ASCC1: variants seen among roughly 807,000 people sequenced by gnomAD.
ASCC1 encodes the protein ASC-1 complex subunit P50.
In ASCC1, 35 loss-of-function variants were observed where a neutral mutation model predicts 46.6. The ratio of observed to expected loss-of-function variants is 0.75; its 90% CI spans 0.57 to 0.99. The LOEUF (loss-of-function observed/expected upper bound fraction) is 0.99, where lower values mean the gene tolerates loss of function less well. Ranked by LOEUF, ASCC1 falls within the 50% of genes least tolerant of loss-of-function variation. The probability of loss-of-function intolerance (pLI) is 0.00; values close to 1 mark genes in which losing one functional copy is unlikely to be tolerated. For missense variants in ASCC1, 376 were observed against 428.7 expected, an observed-to-expected ratio of 0.88 and a Z score of 1.09; for synonymous variants, 143 against 146.6, an observed-to-expected ratio of 0.98 and a Z score of 0.18.
At chr10:72,132,509 G>A (rs1284756090) in intron 8 of ASCC1, among the ~76,000 whole-genome samples, 1 of 152,074 alleles carries the variant, frequency 6.6e-6, no homozygotes, top group Non-Finnish European at 1.5e-5. Context: ...GACATTTTGG[G>A]AAGAATAATT....
intron 5 of ASCC1, among the ~76,000 whole-genome samples, chr10:72,184,469 T>C (rs1282394433): frequency 2.0e-5 from 3 of 152,056 alleles, no homozygotes; most frequent in South Asian, 2.1e-4. Flanking sequence ...AGGATAGAAA[T>C]AGATATATAG....
In ASCC1 at chr10:72,203,301, AG is replaced by A. The variant is rs1158768206; in HGVS notation, c.310+125del. ...AACTCCGTCTCAAAAAAAAAAAAAA[AG>A]AAAAGAAAAAGCCCATAGCTAGAAC... On this transcript the variant is annotated intron_variant, in intron 4 of 9. Transcript: ENST00000672957. 201 of 782,118 alleles carry A rather than the reference AG, an allele frequency of 2.6e-4. 1 individual carries two copies. The highest frequency in any genetic ancestry group is 2.2e-3 in the African/African-American group (123 of 56,716). 48.4% of individuals were successfully genotyped at this position (782,118 alleles called of 1,614,324 possible).
rs976583397 is a variant in ASCC1, at chr10:72,203,319, A to G, written c.310+108T>C. On this transcript the variant is annotated intron_variant, in intron 4 of 9. Coordinates refer to ENST00000672957, the MANE Select transcript of ASCC1 (RefSeq NM_001198800.3). ...AAAAAAAAGAAAAGAAAAAGCCCATAGCTAGAACCCCACAGAAAACATAGT... is the reference window on the plus strand; with the variant it reads ...AAAAAAAAGAAAAGAAAAAGCCCATGGCTAGAACCCCACAGAAAACATAGT... 3.5e-6 allele frequency: 3 copies of G among 869,186 alleles called. No individual in the cohort carries two copies. In the African/African-American group the frequency reaches 5.1e-5, roughly 15 times the overall value. 53.8% of individuals were successfully genotyped at this position (869,186 alleles called of 1,614,324 possible).
intron 6 of ASCC1, among the ~76,000 whole-genome samples, chr10:72,155,441 C>A (rs1037131867): frequency 1.3e-4 from 20 of 152,106 alleles, no homozygotes; most frequent in Non-Finnish European, 5.9e-5. Context: ...GAGGGACCCT[C>A]ATGGGGTGAT....
intron 3 of ASCC1, among the ~76,000 whole-genome samples, chr10:72,209,402 AC>A (rs1315561175): frequency 6.6e-6 from 1 of 152,030 alleles, no homozygotes; most frequent in East Asian, 1.9e-4. Flanking sequence ...GGATCACTTT[AC>A]CCCGGGCAGT....
At chr10:72,204,489 T>G in intron 3 of ASCC1, 1 of 1,550,414 alleles carries the variant, frequency 6.4e-7, no homozygotes, top group South Asian at 1.2e-5. Flanking sequence ...TCGTTTGATG[T>G]GTTCAAGTGA....
chr10:72,116,751 T>G (rs1274936909), intron 9 of ASCC1, among the ~76,000 whole-genome samples: 1 of 152,186 alleles, frequency 6.6e-6, no homozygotes, highest in African/African-American at 2.4e-5. Flanking sequence ...TTTTCAGAAC[T>G]GTTATATTGG....
At chr10:72,143,872 A>C (rs941123032) in intron 7 of ASCC1, among the ~76,000 whole-genome samples, 4 of 151,836 alleles carry the variant, frequency 2.6e-5, no homozygotes, top group Admixed American at 2.0e-4. Context: ...ATTTCACTTA[A>C]TCTACTTTGA....
upstream of ASCC1, chr10:72,217,065 A>C: frequency 2.2e-6 from 1 of 454,008 alleles, no homozygotes; most frequent in South Asian, 1.6e-5. Context: ...CATTCATCCG[A>C]AATGCTCGGG....
At chr10:72,196,455 T>C (rs1043805318) in intron 5 of ASCC1, among the ~76,000 whole-genome samples, 1 of 152,002 alleles carries the variant, frequency 6.6e-6, no homozygotes, top group African/African-American at 2.4e-5. Context: ...ATTTTTTTTG[T>C]ATTTTTAGTA....
At chr10:72,165,163 G>T (rs1850185662) in intron 5 of ASCC1, among the ~76,000 whole-genome samples, 1 of 152,050 alleles carries the variant, frequency 6.6e-6, no homozygotes. Context: ...TGCCCAGGCT[G>T]GAGTACGATG....
intron 2 of ASCC1, 152 bp from the exon 3 acceptor site, chr10:72,210,983 G>C: frequency 1.4e-6 from 1 of 718,068 alleles, no homozygotes; most frequent in Non-Finnish European, 2.5e-6. Context: ...ACACTGCTCT[G>C]ATACTCCTTC....
intron 8 of ASCC1, among the ~76,000 whole-genome samples, chr10:72,132,732 A>T (rs1007326025): frequency 7.0e-6 from 1 of 142,402 alleles, no homozygotes; most frequent in Admixed American, 7.0e-5. Flanking sequence ...TTTTCTCTTT[A>T]AAAAAAAAAA....
At chr10:72,131,362 T>C (rs181844763) in intron 8 of ASCC1, among the ~76,000 whole-genome samples, 5 of 151,498 alleles carry the variant, frequency 3.3e-5, no homozygotes, top group Non-Finnish European at 7.4e-5. Context: ...GAGGTTGCAG[T>C]GAGCTGAGAT....
chr10:72,129,761 G>A (rs1385630949), intron 8 of ASCC1, among the ~76,000 whole-genome samples: 1 of 151,214 alleles, frequency 6.6e-6, no homozygotes, highest in Non-Finnish European at 1.5e-5. Flanking sequence ...AGCCAAGATT[G>A]CACCACTGTA....
chr10:72,161,454 C>T (rs1849685837), intron 6 of ASCC1, 84 bp downstream of exon 6: 1 of 1,570,014 alleles, frequency 6.4e-7, no homozygotes, highest in Admixed American at 1.7e-5. Flanking sequence ...GTTATACACC[C>T]TCTGGTTCAA....
intron 5 of ASCC1, among the ~76,000 whole-genome samples, chr10:72,183,434 T>C (rs987017501): frequency 6.6e-6 from 1 of 152,060 alleles, no homozygotes; most frequent in Non-Finnish European, 1.5e-5. Flanking sequence ...AGCAGTTGGA[T>C]TGCTTGAGCC....
At chr10:72,147,140 T>A (rs1408483080) in intron 7 of ASCC1, among the ~76,000 whole-genome samples, 1 of 151,414 alleles carries the variant, frequency 6.6e-6, no homozygotes, top group African/African-American at 2.4e-5. Flanking sequence ...AAGTGGCTAT[T>A]GTCAGGAAGA....
intron 5 of ASCC1, among the ~76,000 whole-genome samples, chr10:72,173,339 G>A (rs1205180869): frequency 6.6e-6 from 1 of 151,890 alleles, no homozygotes; most frequent in East Asian, 1.9e-4. Flanking sequence ...CTACAACTTT[G>A]CTTTCCCTGC....
Sources: gnomAD v4.1 joint callset for allele counts (sites outside exome capture counted in the v4.1 genomes callset) on GRCh38, gnomAD v4.1.1 for gene constraint, MANE v1.5 for transcripts, NCBI Gene and HGNC (gene_info 2026-07-23, HGNC 2026-07-21) for gene names.